Variants in FHOD3 observed in about 807,000 individuals in gnomAD.
FHOD3 encodes the protein formin homology 2 domain containing 3.
A neutral mutation model predicts 173.0 loss-of-function variants in FHOD3; 90 were observed. That is an observed-to-expected ratio of 0.52 (90% CI 0.44 to 0.62). The LOEUF is 0.62. FHOD3 is among the 20% of genes least tolerant of loss of function. The pLI is 0.00. For missense variants in FHOD3, 1,945 were observed against 2,034.7 expected (o/e 0.96, Z 0.85); for synonymous variants, 828 against 823.0 (o/e 1.01, Z -0.10).
intron 5 of FHOD3, among the ~76,000 whole-genome samples, chr18:36,522,416 T>C (rs923554225): frequency 2.2e-4 from 34 of 152,258 alleles, no homozygotes; most frequent in Admixed American, 2.0e-4. Context: ...AAAATGCCGA[T>C]GTACTAAACT....
chr18:36,331,650 G>A (rs1048036740), intron 1 of FHOD3, among the ~76,000 whole-genome samples: 1 of 152,220 alleles, frequency 6.6e-6, no homozygotes, highest in Non-Finnish European at 1.5e-5. Flanking sequence ...AAGGGGTTCA[G>A]TTCTTGTTGG....
intron 3 of FHOD3, among the ~76,000 whole-genome samples, chr18:36,478,993 A>G (rs1294603395): frequency 6.6e-6 from 1 of 152,214 alleles, no homozygotes; most frequent in Non-Finnish European, 1.5e-5. Flanking sequence ...AAAAGACAAG[A>G]TTTGATGGAC....
intron 5 of FHOD3, among the ~76,000 whole-genome samples, chr18:36,513,513 A>G (rs971219747): frequency 2.0e-5 from 3 of 152,196 alleles, no homozygotes; most frequent in Non-Finnish European, 2.9e-5. Context: ...AAAACTACCA[A>G]AACCTTCCTT....
At chr18:36,542,866 G>A (rs1317977496) in intron 5 of FHOD3, among the ~76,000 whole-genome samples, 1 of 152,184 alleles carries the variant, frequency 6.6e-6, no homozygotes, top group Non-Finnish European at 1.5e-5. Flanking sequence ...AAAGTGGGGT[G>A]CATTAGCTCC....
chr18:36,387,793 G>T (rs1029107337), intron 3 of FHOD3, among the ~76,000 whole-genome samples: 1 of 152,058 alleles, frequency 6.6e-6, no homozygotes, highest in African/African-American at 2.4e-5. Flanking sequence ...TGTCCCCTGG[G>T]CTTCTAGTGC....
chr18:36,642,532 G>T (rs770006056), intron 10 of FHOD3, among the ~76,000 whole-genome samples: 1 of 139,352 alleles, frequency 7.2e-6, no homozygotes, highest in South Asian at 2.2e-4. Flanking sequence ...ACGGTGAGCC[G>T]AGAGAGCGCC....
rs2040936471 is a variant in FHOD3, at chr18:36,724,248, C to CTG, written c.3417+5533_3417+5534insTG. On this transcript the variant is annotated intron_variant, in intron 19 of 28. Transcript: ENST00000590592. ...ACTTGTGGCTCTGCAGTGCTTATATCCAGCCGAGCCTAAATATCTGGCTTA... is the reference window on the plus strand; with the variant it reads ...ACTTGTGGCTCTGCAGTGCTTATATCTGCAGCCGAGCCTAAATATCTGGCTTA... 5.9e-5 allele frequency among the ~76,000 whole-genome samples: 9 copies of CTG among 152,230 alleles called. 1 individual carries two copies. In the South Asian group the frequency reaches 1.9e-3, roughly 32 times the overall value.
intron 5 of FHOD3, among the ~76,000 whole-genome samples, chr18:36,575,331 A>T (rs1234793541): frequency 2.6e-5 from 4 of 152,150 alleles, no homozygotes; most frequent in Non-Finnish European, 5.9e-5. Flanking sequence ...AATATTACAT[A>T]TATATTTGCA....
intron 3 of FHOD3, among the ~76,000 whole-genome samples, chr18:36,416,462 C>G (rs1568242429): frequency 6.6e-6 from 1 of 152,216 alleles, no homozygotes; most frequent in Non-Finnish European, 1.5e-5. Flanking sequence ...GGAGCTGTGG[C>G]CTGTGCCTCA....
At chr18:36,574,038 G>A (rs999583406) in intron 5 of FHOD3, among the ~76,000 whole-genome samples, 13 of 152,248 alleles carry the variant, frequency 8.5e-5, no homozygotes, top group African/African-American at 2.6e-4. Context: ...TCACTTCTCA[G>A]AGCCTCAGTT....
At chr18:36,508,955 T>C (rs2055464547) in intron 4 of FHOD3, among the ~76,000 whole-genome samples, 1 of 152,040 alleles carries the variant, frequency 6.6e-6, no homozygotes, top group Non-Finnish European at 1.5e-5. Flanking sequence ...CCAGTGGAAA[T>C]ACAAACTACC....
chr18:36,661,156 C>T (rs541096649), intron 14 of FHOD3, among the ~76,000 whole-genome samples: 4 of 151,582 alleles, frequency 2.6e-5, no homozygotes, highest in African/African-American at 9.7e-5. Flanking sequence ...TCTTCTAACT[C>T]CAAATCATAC....
chr18:36,510,689 C>A (rs2055583254), intron 4 of FHOD3, among the ~76,000 whole-genome samples: 1 of 152,192 alleles, frequency 6.6e-6, no homozygotes, highest in Non-Finnish European at 1.5e-5. Flanking sequence ...TTCACATATG[C>A]TGGTGGAAAA....
chr18:36,353,344 C>G (rs533117373), intron 1 of FHOD3, among the ~76,000 whole-genome samples: 36 of 152,148 alleles, frequency 2.4e-4, no homozygotes, highest in Non-Finnish European at 4.3e-4. Context: ...TGTGGATAAC[C>G]AGAAACAAGG....
At chr18:36,432,532 G>A (rs1032366041) in intron 3 of FHOD3, among the ~76,000 whole-genome samples, 1 of 152,100 alleles carries the variant, frequency 6.6e-6, no homozygotes, top group Non-Finnish European at 1.5e-5. Flanking sequence ...TTCTAGAATG[G>A]GCCTCTAATG....
intron 26 of FHOD3, among the ~76,000 whole-genome samples, chr18:36,760,400 G>A (rs1012298497): frequency 1.5e-4 from 23 of 152,166 alleles, no homozygotes; most frequent in Non-Finnish European, 2.9e-4. Flanking sequence ...GGTCCTTCTG[G>A]GGCCGGGGGC....
chr18:36,297,907 G>T lies in FHOD3; in HGVS notation c.72G>T (p.Glu24Asp). 3 of 1,558,570 alleles carry T rather than the reference G, an allele frequency of 1.9e-6. No individual in the cohort carries two copies. Among genetic ancestry groups the T allele is most frequent in the Non-Finnish European group, 2.6e-6 (3 of 1,152,896 alleles). The change falls in exon 1 of 29, where the codon GAG becomes GAT. Residue 24 changes from glutamate (E) to aspartate (D), a missense_variant. Physicochemically the swap from Glu to Asp is conservative, Grantham distance 45. This residue lies in a region of FHOD3 where 245 missense variants were observed against 267.7 expected (regional missense o/e 0.92). Coordinates refer to ENST00000590592, the MANE Select transcript of FHOD3 (RefSeq NM_001281740.3). ...TDPFNSTNFP[E>D]PSRPPLFTFR... ...CTTTCAACAGCACCAACTTCCCCGA[G>T]CCCAGCCGGCCGCCGCTGTTCACGT...
chr18:36,320,119 A>G (rs1264008804), intron 1 of FHOD3, among the ~76,000 whole-genome samples: 4 of 152,224 alleles, frequency 2.6e-5, no homozygotes, highest in African/African-American at 9.6e-5. Flanking sequence ...AGAAGGCAAG[A>G]AAGAACTAAG....
intron 17 of FHOD3, among the ~76,000 whole-genome samples, chr18:36,701,377 A>G (rs1436414459): frequency 6.6e-6 from 1 of 152,168 alleles, no homozygotes; most frequent in East Asian, 1.9e-4. Flanking sequence ...TAGTCACCCT[A>G]TATGTTATCA....
Sources: gnomAD v4.1 joint callset for allele counts (sites outside exome capture counted in the v4.1 genomes callset) on GRCh38, gnomAD v4.1.1 for gene constraint, gnomAD v4.1.1 regional missense constraint, MANE v1.5 for transcripts, NCBI Gene and HGNC (gene_info 2026-07-23, HGNC 2026-07-21) for gene names.